The following VPS13B variants were observed in gnomAD, a reference collection of about 807,000 sequenced individuals.
VPS13B encodes vacuolar protein sorting 13 homolog B.
Under a neutral mutation model 426.4 loss-of-function variants are expected in VPS13B, and 285 were observed. That is an observed-to-expected ratio of 0.67 (90% CI 0.61 to 0.74). The LOEUF (loss-of-function observed/expected upper bound fraction) is 0.74. Ranked by LOEUF, VPS13B falls within the 30% of genes least tolerant of loss-of-function variation. The probability of loss-of-function intolerance (pLI) is 0.00; values close to 1 mark genes in which losing one functional copy is unlikely to be tolerated. For synonymous variants in VPS13B, 1,676 were observed against 1,676.4 expected (o/e 1.00, Z 0.01); for missense variants, 4,537 against 4,782.6 (o/e 0.95, Z 1.51).
At chr8:99,406,790 A>C (rs1815357149) in intron 21 of VPS13B, among the ~76,000 whole-genome samples, 1 of 152,224 alleles carries the variant, frequency 6.6e-6, no homozygotes, top group Non-Finnish European at 1.5e-5. Context: ...TACAAATAGT[A>C]GACTTTAGAG....
intron 37 of VPS13B, 30 bp from the exon 38 acceptor site, chr8:99,720,315 A>G: frequency 6.4e-7 from 1 of 1,574,568 alleles, no homozygotes; most frequent in Non-Finnish European, 8.7e-7. Context: ...TGTATTTAAA[A>G]GCTACTAGAA....
At chr8:99,281,628 T>A (rs1819176597) in intron 19 of VPS13B, among the ~76,000 whole-genome samples, 1 of 152,236 alleles carries the variant, frequency 6.6e-6, no homozygotes, top group Non-Finnish European at 1.5e-5. Flanking sequence ...GCAAATATGT[T>A]GATACTGGTG....
intron 19 of VPS13B, among the ~76,000 whole-genome samples, chr8:99,326,452 C>CTGTTTTT (rs1810267222): frequency 3.1e-5 from 1 of 32,518 alleles, no homozygotes; most frequent in Admixed American, 4.8e-4. Flanking sequence ...CTCTAGGTAG[C>CTGTTTTT]TTTTTTTTTT....
At chr8:99,780,310 T>C (rs193286809) in intron 42 of VPS13B, among the ~76,000 whole-genome samples, 153 of 152,284 alleles carry the variant, frequency 1.0e-3, no homozygotes, top group African/African-American at 3.5e-3. Flanking sequence ...GAATCATTGA[T>C]AGAACATTTA....
intron 5 of VPS13B, 109 bp from the exon 6 acceptor site, chr8:99,110,989 T>C (rs1443167884): frequency 1.2e-6 from 1 of 829,226 alleles, no homozygotes; most frequent in Non-Finnish European, 1.8e-6. Flanking sequence ...GCTCCATGAA[T>C]CTTATTTTCT....
At chr8:99,677,707 T>C (rs1830998424) in intron 35 of VPS13B, among the ~76,000 whole-genome samples, 1 of 152,150 alleles carries the variant, frequency 6.6e-6, no homozygotes, top group South Asian at 2.1e-4. Flanking sequence ...CTAGGTCTCA[T>C]GCAGAGAAGT....
intron 17 of VPS13B, among the ~76,000 whole-genome samples, chr8:99,218,128 C>A (rs1188868478): frequency 6.6e-6 from 1 of 152,082 alleles, no homozygotes; most frequent in Admixed American, 6.6e-5. Context: ...CCTGAGCGTT[C>A]ACAATAAGTG....
chr8:99,320,035 A>G (rs976029644), intron 19 of VPS13B, among the ~76,000 whole-genome samples: 1 of 152,162 alleles, frequency 6.6e-6, no homozygotes, highest in East Asian at 1.9e-4. Flanking sequence ...AAAGCATGAG[A>G]GGGAGTGATT....
At chr8:99,060,437 C>A (rs1364712473) in intron 3 of VPS13B, among the ~76,000 whole-genome samples, 1 of 151,894 alleles carries the variant, frequency 6.6e-6, no homozygotes, top group Non-Finnish European at 1.5e-5. Context: ...GGCAAAACCC[C>A]ATCTCTACTA....
intron 19 of VPS13B, among the ~76,000 whole-genome samples, chr8:99,379,894 G>A (rs11985286): frequency 0.058 from 8,814 of 152,040 alleles, 263 homozygotes; most frequent in South Asian, 0.091. Flanking sequence ...ATTTATCTAC[G>A]TAGGTTTTAG....
chr8:99,422,411 A>G (rs1390559479), intron 21 of VPS13B, among the ~76,000 whole-genome samples: 1 of 152,172 alleles, frequency 6.6e-6, no homozygotes, highest in Non-Finnish European at 1.5e-5. Context: ...CTGCTTGGAA[A>G]TATTAGCATT....
At chr8:99,484,922 T>C (rs1820225255) in intron 25 of VPS13B, among the ~76,000 whole-genome samples, 1 of 152,094 alleles carries the variant, frequency 6.6e-6, no homozygotes, top group Admixed American at 6.6e-5. Flanking sequence ...AAAGCTAATG[T>C]AAATCTCCTT....
chr8:99,396,808 A>T (rs1225088615), intron 21 of VPS13B, among the ~76,000 whole-genome samples: 1 of 152,186 alleles, frequency 6.6e-6, no homozygotes, highest in Admixed American at 6.5e-5. Context: ...ACTGATGCAC[A>T]GTTAAGTTCC....
chr8:99,501,978 C>T lies in VPS13B; in HGVS notation c.4042+120C>T, dbSNP rs550864257. 39 of 1,132,794 alleles carry T rather than the reference C, an allele frequency of 3.4e-5. 1 individual carries two copies. The highest frequency in any genetic ancestry group is 1.9e-4 in the African/African-American group (11 of 57,044). 70.2% of individuals were successfully genotyped at this position (1,132,794 alleles called of 1,614,324 possible). On this transcript the variant is annotated intron_variant, in intron 26 of 61. Coordinates refer to ENST00000357162, the MANE Select transcript of VPS13B (RefSeq NM_152564.5). ...CTGTCTGTCTGTCTGTCTGTCTTTCCGTCTGTCTGTCTGTCTTTCCTTTCT... is the reference window on the plus strand; with the variant it reads ...CTGTCTGTCTGTCTGTCTGTCTTTCTGTCTGTCTGTCTGTCTTTCCTTTCT...
chr8:99,769,267 T>G (rs1811370473), intron 40 of VPS13B, among the ~76,000 whole-genome samples: 1 of 152,238 alleles, frequency 6.6e-6, no homozygotes. Context: ...TTAATGAAAT[T>G]AAATTAGAAG....
intron 19 of VPS13B, among the ~76,000 whole-genome samples, chr8:99,365,631 C>T (rs1387549468): frequency 6.6e-6 from 1 of 151,024 alleles, no homozygotes; most frequent in East Asian, 2.0e-4. Context: ...ATTCTTCTCC[C>T]TCAGCCTCCC....
chr8:99,086,035 A>G (rs778790934), intron 3 of VPS13B, among the ~76,000 whole-genome samples: 3 of 152,186 alleles, frequency 2.0e-5, no homozygotes, highest in Non-Finnish European at 2.9e-5. Context: ...GTTCTCCTGT[A>G]TAATATCCTG....
intron 35 of VPS13B, among the ~76,000 whole-genome samples, chr8:99,672,269 A>G (rs1307866894): frequency 6.6e-6 from 1 of 152,182 alleles, no homozygotes; most frequent in African/African-American, 2.4e-5. Flanking sequence ...CTTCCAGTTC[A>G]TGAACACAGG....
At chr8:99,682,872 G>A (rs1468042396) in intron 35 of VPS13B, among the ~76,000 whole-genome samples, 1 of 152,112 alleles carries the variant, frequency 6.6e-6, no homozygotes, top group Non-Finnish European at 1.5e-5. Context: ...CAGGAGCCAG[G>A]GCCTGGAGTC....
Sources: gnomAD v4.1 joint callset for allele counts (sites outside exome capture counted in the v4.1 genomes callset) on GRCh38, gnomAD v4.1.1 for gene constraint, MANE v1.5 for transcripts, NCBI Gene and HGNC (gene_info 2026-07-23, HGNC 2026-07-21) for gene names.